Variants in PKNOX2 observed in about 807,000 individuals in gnomAD.
PKNOX2 encodes PBX/knotted 1 homeobox 2.
PKNOX2 carries 14 observed loss-of-function variants against 53.1 expected under a neutral mutation model. The observed-to-expected ratio is 0.26, with a 90% CI of 0.17 to 0.41. PKNOX2 has a LOEUF of 0.41. Among genes scored for constraint, PKNOX2 ranks in the 10% least tolerant of loss-of-function variants. The pLI is 1.00. For missense variants in PKNOX2, 496 were observed against 602.8 expected (o/e 0.82, Z 1.85); for synonymous variants, 257 against 242.8 (o/e 1.06, Z -0.54).
intron 1 of PKNOX2, among the ~76,000 whole-genome samples, chr11:125,185,412 A>C (rs970511626): frequency 6.6e-6 from 1 of 152,194 alleles, no homozygotes; most frequent in Non-Finnish European, 1.5e-5. Flanking sequence ...CAAGTGTGCA[A>C]TTCAGTGGCA....
intron 2 of PKNOX2, among the ~76,000 whole-genome samples, chr11:125,277,882 C>T (rs1440068859): frequency 6.6e-6 from 1 of 152,064 alleles, no homozygotes; most frequent in Non-Finnish European, 1.5e-5. Context: ...CTTACATGTA[C>T]CCCCCAAATA....
intron 1 of PKNOX2, among the ~76,000 whole-genome samples, chr11:125,218,023 G>A (rs1252856348): frequency 6.6e-6 from 1 of 152,138 alleles, no homozygotes; most frequent in Non-Finnish European, 1.5e-5. Context: ...TTGATCTGGT[G>A]ATTCAATGGG....
chr11:125,168,124 A>G (rs1489115479), intron 1 of PKNOX2, among the ~76,000 whole-genome samples: 1 of 152,182 alleles, frequency 6.6e-6, no homozygotes. Context: ...TAAAATATTT[A>G]CTTGGGACTG....
intron 9 of PKNOX2, chr11:125,411,463 T>TCTCC (rs1955512620): frequency 3.7e-5 from 2 of 53,412 alleles, no homozygotes; most frequent in East Asian, 6.9e-4. Flanking sequence ...CCTCTGTCTT[T>TCTCC]CTCTCTCTCT....
chr11:125,248,751 C>G (rs187244149), intron 2 of PKNOX2, among the ~76,000 whole-genome samples: 124 of 147,092 alleles, frequency 8.4e-4, no homozygotes, highest in African/African-American at 2.9e-3. Flanking sequence ...TTATACAAGC[C>G]ACACTACTGT....
In PKNOX2 at chr11:125,427,614, C is replaced by T. The variant is rs191677605; in HGVS notation, c.937-1398C>T. 1.4e-3 allele frequency among the ~76,000 whole-genome samples: 206 copies of T among 152,152 alleles called. 2 individuals carry two copies. The highest frequency in any genetic ancestry group is 2.5e-3 in the Non-Finnish European group (168 of 67,982). On this transcript the variant is annotated intron_variant, in intron 10 of 12. Coordinates refer to ENST00000298282, the MANE Select transcript of PKNOX2 (RefSeq NM_001382323.2). ...GACTTGCTGATGTGTAGTTAGGTGA[C>T]GTGCCTGAGATTTCATAGCTAGTCA...
chr11:125,357,364 C>T (rs566810865), intron 4 of PKNOX2, among the ~76,000 whole-genome samples: 2 of 152,308 alleles, frequency 1.3e-5, no homozygotes, highest in South Asian at 4.1e-4. Context: ...AGATGGTGGG[C>T]TGTCAGCATG....
At chr11:125,167,577 A>G (rs182642288) in intron 1 of PKNOX2, among the ~76,000 whole-genome samples, 61 of 152,252 alleles carry the variant, frequency 4.0e-4, no homozygotes, top group African/African-American at 1.3e-3. Context: ...GGGTTACCGG[A>G]GGGAGATGGG....
At chr11:125,197,698 C>T (rs1937899257) in intron 1 of PKNOX2, among the ~76,000 whole-genome samples, 1 of 152,186 alleles carries the variant, frequency 6.6e-6, no homozygotes, top group African/African-American at 2.4e-5. Context: ...GAGGCTCTGG[C>T]AGGGCCACCG....
At chr11:125,175,262 AGGAG>A (rs1955632899) in intron 1 of PKNOX2, among the ~76,000 whole-genome samples, 5 of 151,326 alleles carry the variant, frequency 3.3e-5, no homozygotes, top group Admixed American at 1.3e-4. Flanking sequence ...GAAGGAAGGA[AGGAG>A]GGAGAGCTTC....
chr11:125,317,112 A>T (rs1480190349), intron 2 of PKNOX2, among the ~76,000 whole-genome samples: 1 of 152,218 alleles, frequency 6.6e-6, no homozygotes, highest in African/African-American at 2.4e-5. Context: ...GCAATTTCTT[A>T]TTCATTCAAG....
chr11:125,394,416 C>G (rs927015434), intron 6 of PKNOX2, among the ~76,000 whole-genome samples: 1 of 152,216 alleles, frequency 6.6e-6, no homozygotes, highest in Non-Finnish European at 1.5e-5. Context: ...TGACGACACA[C>G]AATCGCTGCT....
In PKNOX2 at chr11:125,165,247, G is replaced by T. The variant is rs999198401; in HGVS notation, c.-201+471G>T. 2.8e-4 allele frequency among the ~76,000 whole-genome samples: 42 copies of T among 151,886 alleles called. No individual in the cohort carries two copies. The highest frequency in any genetic ancestry group is 9.2e-4 in the African/African-American group (38 of 41,410). On this transcript the variant is annotated intron_variant, in intron 1 of 12. Transcript: ENST00000298282. The surrounding 1 kb of genome is among the most constrained non-coding windows in gnomAD (Gnocchi z 4.5). ...CCGGGCTGCGGACTCGAATCGCCGCGGGCCCAACCCCGTAGCGGGCGGGCG... is the reference window on the plus strand; with the variant it reads ...CCGGGCTGCGGACTCGAATCGCCGCTGGCCCAACCCCGTAGCGGGCGGGCG...
intron 2 of PKNOX2, among the ~76,000 whole-genome samples, chr11:125,263,746 G>A (rs1275027495): frequency 2.0e-5 from 3 of 152,194 alleles, no homozygotes; most frequent in African/African-American, 7.2e-5. Context: ...TCCGGCGCTG[G>A]CTCTCCCTGG....
chr11:125,242,566 G>A (rs1244930111), intron 2 of PKNOX2, among the ~76,000 whole-genome samples: 1 of 152,162 alleles, frequency 6.6e-6, no homozygotes, highest in South Asian at 2.1e-4. Flanking sequence ...CCAGCTGGTG[G>A]GGGGACATCA....
intron 1 of PKNOX2, among the ~76,000 whole-genome samples, chr11:125,228,143 C>A (rs1329445373): frequency 6.6e-6 from 1 of 152,208 alleles, no homozygotes; most frequent in African/African-American, 2.4e-5. Context: ...TAGAGCAACT[C>A]AGTCCTGCAC....
At chr11:125,275,074 T>A (rs555232721) in intron 2 of PKNOX2, among the ~76,000 whole-genome samples, 94 of 152,330 alleles carry the variant, frequency 6.2e-4, no homozygotes, top group Non-Finnish European at 1.1e-3. Context: ...AAGGATTTCA[T>A]ATTCTAAGTA....
intron 1 of PKNOX2, among the ~76,000 whole-genome samples, chr11:125,196,218 C>T (rs1937668557): frequency 6.6e-6 from 1 of 152,196 alleles, no homozygotes; most frequent in Admixed American, 6.5e-5. Context: ...TTTCCCAGAG[C>T]TTGTGTATTC....
chr11:125,178,561 G>GGAAGGAAGGAAGGAAAGAAAGAAAGAAA (rs1565462235), intron 1 of PKNOX2, among the ~76,000 whole-genome samples: 1 of 102,718 alleles, frequency 9.7e-6, no homozygotes, highest in African/African-American at 6.5e-5. Context: ...AAGGAAGGAA[G>GGAAGGAAGGAAGGAAAGAAAGAAAGAAA]GAACGAAGGA....
Sources: allele counts gnomAD v4.1 joint callset (sites outside exome capture counted in the v4.1 genomes callset), GRCh38; gene constraint gnomAD v4.1.1; non-coding constraint Gnocchi (gnomAD v3.1); transcripts MANE v1.5; gene names NCBI Gene and HGNC (gene_info 2026-07-23, HGNC 2026-07-21).